CASQ1: variants seen among roughly 807,000 people sequenced by gnomAD.
The protein encoded by CASQ1 is calsequestrin-1.
A neutral mutation model predicts 49.5 loss-of-function variants in CASQ1; 40 were observed. The observed-to-expected ratio is 0.81, with a 90% confidence interval of 0.63 to 1.05. The LOEUF (loss-of-function observed/expected upper bound fraction) is 1.05, where lower values mean the gene tolerates loss of function less well. Among genes scored for constraint, CASQ1 ranks in the 50% least tolerant of loss-of-function variants. The pLI is 0.00. For missense variants in CASQ1, 469 were observed against 486.9 expected (o/e 0.96, Z 0.35); for synonymous variants, 174 against 187.2 (o/e 0.93, Z 0.58).
Position 160,195,489 on chromosome 1 carries a change from G to T in CASQ1, c.606G>T (p.Glu202Asp). The T allele has an allele frequency of 6.2e-7, 1 of 1,614,060 alleles. No individual in the cohort carries two copies. The highest frequency in any genetic ancestry group is 1.6e-4 in the Middle Eastern group (1 of 6,062). Residue 202 changes from glutamate to aspartate, a missense_variant, in exon 5 of 11, where the codon GAG becomes GAT. Transcript: ENST00000368078. ...EHYKAFEDAA[E>D]EFHPYIPFFA... ...ACAAAGCCTTCGAGGATGCAGCTGAGGAGTTTCATCCCTACATCCCCTTCT... is the reference window on the plus strand; with the variant it reads ...ACAAAGCCTTCGAGGATGCAGCTGATGAGTTTCATCCCTACATCCCCTTCT...
rs115059371 is a variant in CASQ1 at position 160,195,608 on chromosome 1, G to A, written c.651+74G>A. ...TCCTCCAGTTTCCTCTCCCAGAATC[G>A]ATGGCTGACCTGGTCCCTTCCTACG... is the stretch of plus-strand genomic sequence containing the variant. On this transcript the variant is annotated intron_variant, in intron 5 of 10. Coordinates refer to ENST00000368078, the MANE Select transcript of CASQ1 (RefSeq NM_001231.5). The A allele has an allele frequency of 1.8e-4, 254 of 1,402,936 alleles. No individual in the cohort carries two copies. The African/African-American group carries it at 2.8e-3, about 16-fold the overall frequency. 86.9% of individuals were successfully genotyped at this position (1,402,936 alleles called of 1,614,324 possible).
intron 3 of CASQ1, among the ~76,000 whole-genome samples, chr1:160,194,582 GCA>G (rs1178494616): frequency 1.6e-5 from 2 of 124,270 alleles, no homozygotes; most frequent in Non-Finnish European, 3.4e-5. Flanking sequence ...CACCACACAT[GCA>G]CACACTACAC....
At chr1:160,194,383 C>T (rs1267640018) in intron 3 of CASQ1, among the ~76,000 whole-genome samples, 2 of 148,338 alleles carry the variant, frequency 1.3e-5, no homozygotes, top group Admixed American at 1.3e-4. Context: ...ACACAATAGG[C>T]CACACATCAC....
intron 3 of CASQ1, among the ~76,000 whole-genome samples, chr1:160,194,762 C>T (rs1654178114): frequency 1.3e-5 from 2 of 151,478 alleles, no homozygotes; most frequent in Admixed American, 6.6e-5. Context: ...ACATCACACA[C>T]ACATCATATA....
Position 160,201,326 on chromosome 1 carries a change from C to T in CASQ1, c.1141C>T (p.Leu381=). 1 of 1,558,156 alleles carries T rather than the reference C, an allele frequency of 6.4e-7. No individual in the cohort carries two copies. Among genetic ancestry groups the T allele is most frequent in the Non-Finnish European group, 8.7e-7 (1 of 1,153,388 alleles). ...GCTGGAGGACTGGCTGGAGGATGTCCTGGAGGGCGAGATCAACACAGAGGA... is the reference window on the plus strand; with the variant it reads ...GCTGGAGGACTGGCTGGAGGATGTCTTGGAGGGCGAGATCAACACAGAGGA... The part of the protein sequence containing the change: ...EELEDWLEDV[L]EGEINTEDDD... Residue 381 remains leucine (L), a synonymous_variant, in exon 11 of 11, where the codon CTG becomes TTG. Coordinates refer to ENST00000368078, the MANE Select transcript of CASQ1 (RefSeq NM_001231.5).
Position 160,195,971 on chromosome 1 carries a change from C to A in CASQ1, c.726C>A (p.Ile242=), listed in dbSNP as rs374596757. The change falls in exon 6 of 11, where the codon ATC becomes ATA. Residue 242 remains isoleucine, a synonymous_variant. Transcript: ENST00000368078. ...CCTTCATGGAAGAGCCTGTGACCATCCCAGACAAGCCCAATAGCGAAGAGG... is the reference window on the plus strand; with the variant it reads ...CCTTCATGGAAGAGCCTGTGACCATACCAGACAAGCCCAATAGCGAAGAGG... ...YEAFMEEPVT[I]PDKPNSEEEI... 1.9e-6 allele frequency: 3 copies of A among 1,613,972 alleles called. No individual in the cohort carries two copies. Among genetic ancestry groups the A allele is most frequent in the Non-Finnish European group, 1.7e-6 (2 of 1,180,002 alleles).
rs760483094 is a variant in CASQ1 at position 160,198,705 on chromosome 1, T to C, written c.857T>C (p.Val286Ala). The C allele has an allele frequency of 5.6e-6, 9 of 1,613,938 alleles. No individual in the cohort carries two copies. The highest frequency in any genetic ancestry group is 5.5e-5 in the South Asian group (5 of 91,072). ...WEDDMDGIHI[V>A]AFAEEADPDG... Reference sequence around the variant, plus strand: ...GATGATATGGATGGAATCCACATTGTGGCCTTCGCAGAGGAAGCTGATCCT... The same window carrying C: ...GATGATATGGATGGAATCCACATTGCGGCCTTCGCAGAGGAAGCTGATCCT... The change falls in exon 8 of 11, where the codon GTG (valine) becomes GCG (alanine). Residue 286 changes from valine (V) to alanine (A), a missense_variant. Physicochemically the swap from Val to Ala is moderately conservative, Grantham distance 64. Transcript: ENST00000368078.
Position 160,190,988 on chromosome 1 carries a change from G to A in CASQ1, c.237G>A (p.Lys79=), listed in dbSNP as rs74123282. 1,902 of 1,614,168 alleles carry A rather than the reference G, an allele frequency of 1.2e-3. 14 individuals are homozygous for A. In the African/African-American group the frequency reaches 0.023, roughly 19 times the overall value. ...ACCATGAACCCCCCGAGGATGACAAGGCCTCACAAAGACAATTTGAGATGG... is the reference window on the plus strand; with the variant it reads ...ACCATGAACCCCCCGAGGATGACAAAGCCTCACAAAGACAATTTGAGATGG... ...LLYHEPPEDD[K]ASQRQFEMEE... Residue 79 remains lysine, a synonymous_variant, in exon 1 of 11, where the codon AAG becomes AAA. Coordinates refer to ENST00000368078, the MANE Select transcript of CASQ1 (RefSeq NM_001231.5).
chr1:160,200,675 G>A (rs1362690002), intron 10 of CASQ1, among the ~76,000 whole-genome samples: 2 of 152,180 alleles, frequency 1.3e-5, no homozygotes, highest in Non-Finnish European at 1.5e-5. Context: ...ATGGTTGAGA[G>A]TCTAGAGATC....
intron 3 of CASQ1, among the ~76,000 whole-genome samples, chr1:160,194,339 A>G (rs1654156190): frequency 6.7e-6 from 1 of 150,356 alleles, no homozygotes; most frequent in Admixed American, 6.6e-5. Flanking sequence ...CACACTACAC[A>G]CATGCACACA....
Position 160,198,709 on chromosome 1 carries a change from C to G in CASQ1, c.861C>G (p.Ala287=). The G allele has an allele frequency of 6.2e-7, 1 of 1,613,892 alleles. No homozygotes were observed. The highest frequency in any genetic ancestry group is 8.5e-7 in the Non-Finnish European group (1 of 1,179,806). Residue 287 remains alanine, a synonymous_variant, in exon 8 of 11, where the codon GCC becomes GCG. Transcript: ENST00000368078. ...ATATGGATGGAATCCACATTGTGGC[C>G]TTCGCAGAGGAAGCTGATCCTGGTG... ...EDDMDGIHIV[A]FAEEADPDGF... is the part of the protein sequence containing the mutation.
chr1:160,195,456 C>T lies in CASQ1; in HGVS notation c.578-5C>T, dbSNP rs78149381. On this transcript the variant is annotated splice_region_variant and splice_polypyrimidine_tract_variant and intron_variant, in intron 4 of 10. Transcript: ENST00000368078. ...CAGAGACTGACTCTGCATTCCACCC[C>T]CCAGATTACAAAGCCTTCGAGGATG... is the stretch of plus-strand genomic sequence containing the variant. 15 of 1,613,760 alleles carry T rather than the reference C, an allele frequency of 9.3e-6. No individual in the cohort carries two copies. Among genetic ancestry groups the T allele is most frequent in the Admixed American group, 1.7e-5 (1 of 59,996 alleles).
Position 160,201,475 on chromosome 1 carries a change from C to A in CASQ1, c.*99C>A. On this transcript the variant is annotated 3_prime_UTR_variant, in exon 11 of 11. Transcript: ENST00000368078. ...GTTCCTCCAGGGAGACTAGGTTATTCTCTGCCATAGAGCTAACTGGGGTCT... is the reference window on the plus strand; with the variant it reads ...GTTCCTCCAGGGAGACTAGGTTATTATCTGCCATAGAGCTAACTGGGGTCT... 2 of 1,328,204 alleles carry A rather than the reference C, an allele frequency of 1.5e-6. No homozygotes were observed. Among genetic ancestry groups the A allele is most frequent in the Non-Finnish European group, 2.1e-6 (2 of 951,654 alleles). 82.3% of individuals were successfully genotyped at this position (1,328,204 alleles called of 1,614,324 possible).
chr1:160,192,962 C>T (rs1483000143), intron 2 of CASQ1, 76 bp downstream of exon 2: 2 of 1,164,710 alleles, frequency 1.7e-6, no homozygotes, highest in Non-Finnish European at 2.6e-6. Flanking sequence ...ACCTGTCAGG[C>T]AGTCCTTGGG....
chr1:160,197,519 G>A, intron 6 of CASQ1, 50 bp from the exon 7 acceptor site: 3 of 1,352,848 alleles, frequency 2.2e-6, no homozygotes, highest in African/African-American at 2.9e-5. Context: ...CCTCTGGAGG[G>A]GGCATCCTTC....
In CASQ1 at chr1:160,195,950, C is replaced by T. The variant is rs1188518586; in HGVS notation, c.705C>T (p.Phe235=). ...KLNEIDFYEA[F]MEEPVTIPDK... is the part of the protein sequence containing the mutation. ...ATGAGATTGATTTCTACGAGGCCTT[C>T]ATGGAAGAGCCTGTGACCATCCCAG... is the stretch of plus-strand genomic sequence containing the variant. The change falls in exon 6 of 11, where the codon TTC becomes TTT. Residue 235 remains phenylalanine, a synonymous_variant. Transcript: ENST00000368078. 5 of 1,614,022 alleles carry T rather than the reference C, an allele frequency of 3.1e-6. No individual in the cohort carries two copies. Among genetic ancestry groups the T allele is most frequent in the Non-Finnish European group, 4.2e-6 (5 of 1,179,936 alleles).
At chr1:160,194,282 T>A (rs549674749) in intron 3 of CASQ1, among the ~76,000 whole-genome samples, 2 of 121,732 alleles carry the variant, frequency 1.6e-5, no homozygotes, top group South Asian at 5.4e-4. Flanking sequence ...ACACACCACA[T>A]CCATGCCACG....
chr1:160,195,452 A>AC lies in CASQ1; in HGVS notation c.578-3dup. The AC allele has an allele frequency of 4.3e-6, 7 of 1,612,424 alleles. No homozygotes were observed. The highest frequency in any genetic ancestry group is 4.5e-5 in the East Asian group (2 of 44,832). On this transcript the variant is annotated splice_polypyrimidine_tract_variant and intron_variant, in intron 4 of 10. Coordinates refer to ENST00000368078, the MANE Select transcript of CASQ1 (RefSeq NM_001231.5). ...TCCCCAGAGACTGACTCTGCATTCC[A>AC]CCCCCCAGATTACAAAGCCTTCGAG...
At chr1:160,193,719 C>T (rs3747623) in intron 2 of CASQ1, 28 bp from the exon 3 acceptor site, 473,050 of 1,292,934 alleles carry the variant, frequency 0.37, 90,849 homozygotes, top group East Asian at 0.54. Context: ...GCTCACTACC[C>T]CACCCCTGCG....
Sources: allele counts gnomAD v4.1 joint callset (sites outside exome capture counted in the v4.1 genomes callset), GRCh38; gene constraint gnomAD v4.1.1; transcripts MANE v1.5; gene names NCBI Gene and HGNC (gene_info 2026-07-23, HGNC 2026-07-21).